The following TASOR variants were observed in gnomAD, a reference collection of about 807,000 sequenced individuals.
The protein encoded by TASOR is transcription activation suppressor.
A neutral mutation model predicts 178.6 loss-of-function variants in TASOR; 53 were observed. The observed-to-expected ratio is 0.30, with a 90% confidence interval of 0.24 to 0.37. The LOEUF is 0.37. Ranked by LOEUF, TASOR falls within the 10% of genes least tolerant of loss-of-function variation. The probability of loss-of-function intolerance (pLI) is 1.00; values close to 1 mark genes in which losing one functional copy is unlikely to be tolerated. For synonymous variants in TASOR, 713 were observed against 696.2 expected, an observed-to-expected ratio of 1.02 and a Z score of -0.38; for missense variants, 1,815 against 1,971.4, an observed-to-expected ratio of 0.92 and a Z score of 1.50.
At chr3:56,632,273 C>A (rs1181369148) in intron 18 of TASOR, among the ~76,000 whole-genome samples, 7 of 151,958 alleles carry the variant, frequency 4.6e-5, no homozygotes, top group African/African-American at 1.7e-4. Flanking sequence ...GAGTTCCAGA[C>A]CAGCCTGATC....
intron 1 of TASOR, among the ~76,000 whole-genome samples, chr3:56,676,963 T>G (rs1471011156): frequency 6.6e-6 from 1 of 152,230 alleles, no homozygotes; most frequent in Non-Finnish European, 1.5e-5. Context: ...TGCAAATGCC[T>G]CAGTGGCTTC....
intron 8 of TASOR, 112 bp downstream of exon 8, chr3:56,663,429 T>C (rs867643223): frequency 3.5e-5 from 22 of 631,200 alleles, no homozygotes; most frequent in Middle Eastern, 5.2e-4. Context: ...ATTATAACTT[T>C]TCATACTTTG....
chr3:56,670,009 G>A (rs965499096), intron 4 of TASOR, 64 bp downstream of exon 4: 4 of 1,124,782 alleles, frequency 3.6e-6, no homozygotes, highest in Middle Eastern at 2.3e-4. Flanking sequence ...GAAATTACGA[G>A]ACAATGTATT....
At chr3:56,645,149 CT>C (rs1254340420) in intron 14 of TASOR, among the ~76,000 whole-genome samples, 2 of 152,144 alleles carry the variant, frequency 1.3e-5, no homozygotes, top group African/African-American at 4.8e-5. Flanking sequence ...TAGTACGTGC[CT>C]GTAATTCCAG....
chr3:56,680,705 C>A (rs1344481217), intron 1 of TASOR, among the ~76,000 whole-genome samples: 1 of 152,052 alleles, frequency 6.6e-6, no homozygotes, highest in Non-Finnish European at 1.5e-5. Context: ...ATTTAAATCG[C>A]TATTTTACTA....
At chr3:56,673,110 TG>T (rs1459580766) in intron 2 of TASOR, among the ~76,000 whole-genome samples, 2 of 152,228 alleles carry the variant, frequency 1.3e-5, no homozygotes, top group Non-Finnish European at 2.9e-5. Context: ...CATGCTCAGC[TG>T]AATTTACAAT....
chr3:56,678,176 G>GTTTT (rs2031477533), intron 1 of TASOR, among the ~76,000 whole-genome samples: 7 of 93,170 alleles, frequency 7.5e-5, no homozygotes, highest in African/African-American at 1.5e-4. Context: ...ACACACTTAT[G>GTTTT]ATTTTTTTTT....
chr3:56,643,631 G>C (rs572456471), intron 14 of TASOR, among the ~76,000 whole-genome samples: 1 of 151,790 alleles, frequency 6.6e-6, no homozygotes, highest in Non-Finnish European at 1.5e-5. Flanking sequence ...GCATGGTGGC[G>C]GGCGCCCCAG....
intron 13 of TASOR, 41 bp downstream of exon 13, chr3:56,648,781 G>A (rs751597218): frequency 6.5e-6 from 9 of 1,386,764 alleles, no homozygotes; most frequent in African/African-American, 1.4e-5. Context: ...GAAATGTTAA[G>A]TATCTATAAG....
chr3:56,627,785 G>A, intron 19 of TASOR, 44 bp from the exon 20 acceptor site: 2 of 1,583,404 alleles, frequency 1.3e-6, no homozygotes, highest in East Asian at 4.5e-5. Flanking sequence ...TGGAGGGAAT[G>A]AATTGACAGA....
Position 56,628,085 on chromosome 3 carries a change from G to A in TASOR, c.3871-344C>T, listed in dbSNP as rs188055355. On this transcript the variant is annotated intron_variant, in intron 19 of 23. Transcript: ENST00000683822. ...GCTCGAACAGTCAATCAGGAAAGAC[G>A]TCCAAGATGTAGGATGGAGATAGGG... Among the ~76,000 whole-genome samples the A allele has an allele frequency of 8.5e-5, 13 of 152,292 alleles. No homozygotes were observed. The East Asian group carries it at 2.5e-3, about 29-fold the overall frequency.
chr3:56,667,915 G>T (rs565370304), intron 6 of TASOR, among the ~76,000 whole-genome samples: 61 of 152,290 alleles, frequency 4.0e-4, no homozygotes, highest in African/African-American at 1.4e-3. Context: ...TTAAAAAATA[G>T]TTCTAGGTTT....
chr3:56,680,540 A>C (rs1366249523), intron 1 of TASOR, among the ~76,000 whole-genome samples: 1 of 150,972 alleles, frequency 6.6e-6, no homozygotes, highest in Non-Finnish European at 1.5e-5. Context: ...CCATATTAAA[A>C]TATGAATGCA....
chr3:56,650,583 G>A (rs1450588657), intron 11 of TASOR, among the ~76,000 whole-genome samples: 2 of 152,190 alleles, frequency 1.3e-5, no homozygotes, highest in Non-Finnish European at 2.9e-5. Flanking sequence ...GATTCCATGA[G>A]GGTCAGTTAT....
At chr3:56,663,481 C>A (rs1188192193) in intron 8 of TASOR, 60 bp downstream of exon 8, 6 of 915,084 alleles carry the variant, frequency 6.6e-6, no homozygotes, top group Non-Finnish European at 9.0e-6. Context: ...AGCACTTAAT[C>A]TTTTGCTATA....
intron 13 of TASOR, among the ~76,000 whole-genome samples, 161 bp from the exon 14 acceptor site, chr3:56,647,384 A>G (rs757629012): frequency 1.8e-4 from 27 of 152,058 alleles, no homozygotes; most frequent in Non-Finnish European, 3.7e-4. Flanking sequence ...TATAGCAAAT[A>G]TATGAATAGC....
rs372832038 is a variant in TASOR, at chr3:56,671,711, A to G, written c.478-19T>C. On this transcript the variant is annotated intron_variant, in intron 2 of 23. Transcript: ENST00000683822. ...CTGTAAACTAAATGAAATTAAAACT[A>G]TAACAACTACTTAGCATGTGATTAT... 4,339 of 1,497,654 alleles carry G rather than the reference A, an allele frequency of 2.9e-3. 160 individuals are homozygous for G. In the South Asian group the frequency reaches 0.051, roughly 18 times the overall value. The allele number at this position is 1,497,654 out of a possible 1,614,324, so 92.8% of individuals were successfully genotyped here. A position where few individuals can be genotyped will look rare whatever the true frequency, so the allele number is the denominator to read the frequency against.
intron 9 of TASOR, among the ~76,000 whole-genome samples, 172 bp from the exon 10 acceptor site, chr3:56,661,189 T>G (rs947144423): frequency 6.6e-6 from 1 of 152,246 alleles, no homozygotes; most frequent in Non-Finnish European, 1.5e-5. Context: ...CTCTGTCACC[T>G]AGGCTAGAGT....
chr3:56,642,820 C>T (rs988733836), intron 14 of TASOR, among the ~76,000 whole-genome samples: 1 of 151,902 alleles, frequency 6.6e-6, no homozygotes, highest in African/African-American at 2.4e-5. Context: ...TAAAAAAATA[C>T]AAAAAATTCG....
Sources: gnomAD v4.1 joint callset for allele counts (sites outside exome capture counted in the v4.1 genomes callset) on GRCh38, gnomAD v4.1.1 for gene constraint, MANE v1.5 for transcripts, NCBI Gene and HGNC (gene_info 2026-07-23, HGNC 2026-07-21) for gene names.